SMARCC1: variants seen among roughly 807,000 people sequenced by gnomAD.
SMARCC1 encodes the protein SWI/SNF complex subunit SMARCC1.
Under a neutral mutation model 147.4 loss-of-function variants are expected in SMARCC1, and 43 were observed. The ratio of observed to expected loss-of-function variants is 0.29; its 90% CI spans 0.23 to 0.38. SMARCC1 has a LOEUF of 0.38. Ranked by LOEUF, SMARCC1 falls within the 10% of genes least tolerant of loss-of-function variation. SMARCC1 has a pLI of 1.00. For missense variants in SMARCC1, 1,119 were observed against 1,381.1 expected (o/e 0.81, Z 3.01); for synonymous variants, 495 against 484.4 (o/e 1.02, Z -0.29).
intron 3 of SMARCC1, among the ~76,000 whole-genome samples, chr3:47,744,620 A>C (rs1005647459): frequency 6.6e-6 from 1 of 152,174 alleles, no homozygotes; most frequent in Admixed American, 6.6e-5. Flanking sequence ...TGCTAAGGTT[A>C]TAAACTGTGC....
At chr3:47,726,633 T>A (rs1481409310) in intron 6 of SMARCC1, among the ~76,000 whole-genome samples, 2 of 152,226 alleles carry the variant, frequency 1.3e-5, no homozygotes, top group Admixed American at 1.3e-4. Flanking sequence ...AACTCCCTGA[T>A]GGAGCATTAG....
chr3:47,719,813 G>A (rs1183625970), intron 7 of SMARCC1, among the ~76,000 whole-genome samples: 4 of 152,062 alleles, frequency 2.6e-5, no homozygotes, highest in Non-Finnish European at 5.9e-5. Context: ...TCGGCTCACT[G>A]CAACCTCCGC....
chr3:47,662,286 G>A (rs376012552), intron 20 of SMARCC1, 48 bp downstream of exon 20: 15 of 1,544,532 alleles, frequency 9.7e-6, no homozygotes, highest in Non-Finnish European at 1.2e-5. Context: ...TTTAAATTGG[G>A]ATAAACTGAG....
intron 2 of SMARCC1, among the ~76,000 whole-genome samples, chr3:47,747,689 G>A (rs1038725374): frequency 6.6e-6 from 1 of 151,802 alleles, no homozygotes; most frequent in Non-Finnish European, 1.5e-5. Context: ...GAAAATGCCT[G>A]TAACCCCAGT....
chr3:47,748,256 C>A (rs535536474), intron 2 of SMARCC1, among the ~76,000 whole-genome samples: 1 of 152,262 alleles, frequency 6.6e-6, no homozygotes, highest in African/African-American at 2.4e-5. Flanking sequence ...CTGTGTTGCT[C>A]AGGCTGGAGT....
chr3:47,714,602 G>A, intron 7 of SMARCC1, 112 bp from the exon 8 acceptor site: 3 of 617,266 alleles, frequency 4.9e-6, no homozygotes, highest in South Asian at 2.1e-5. Context: ...ATCCCAGCCT[G>A]GTCAACATGG....
At chr3:47,762,164 T>G (rs2034781217) in intron 2 of SMARCC1, among the ~76,000 whole-genome samples, 1 of 152,192 alleles carries the variant, frequency 6.6e-6, no homozygotes. Context: ...AAAGTGAAAC[T>G]TGAAGACAAC....
intron 15 of SMARCC1, among the ~76,000 whole-genome samples, chr3:47,679,441 A>G (rs1254749151): frequency 1.3e-5 from 2 of 152,214 alleles, no homozygotes; most frequent in Non-Finnish European, 2.9e-5. Flanking sequence ...ATTAAGCTCC[A>G]TTCACATGCA....
chr3:47,623,679 T>C (rs1373615811), intron 24 of SMARCC1, among the ~76,000 whole-genome samples: 2 of 152,192 alleles, frequency 1.3e-5, no homozygotes, highest in Non-Finnish European at 2.9e-5. Context: ...ACAATTTATA[T>C]TTTTGAACAA....
intron 21 of SMARCC1, among the ~76,000 whole-genome samples, chr3:47,660,808 G>A (rs1019086005): frequency 6.6e-6 from 1 of 152,112 alleles, no homozygotes; most frequent in Non-Finnish European, 1.5e-5. Flanking sequence ...AGATAGTGGT[G>A]ATAGACACAC....
At chr3:47,729,389 CT>C (rs1158996151) in intron 5 of SMARCC1, among the ~76,000 whole-genome samples, 1 of 151,932 alleles carries the variant, frequency 6.6e-6, no homozygotes, top group Admixed American at 6.6e-5. Flanking sequence ...ACTACTAATT[CT>C]TTTTTTTCCT....
intron 2 of SMARCC1, among the ~76,000 whole-genome samples, chr3:47,752,691 G>C (rs983428971): frequency 2.0e-5 from 3 of 152,080 alleles, no homozygotes; most frequent in Non-Finnish European, 4.4e-5. Flanking sequence ...CCAGTAGGCT[G>C]AGTCAGGAGG....
In SMARCC1 at chr3:47,587,994, T is replaced by C. The variant is rs530979873; in HGVS notation, c.*215A>G. 293 of 548,012 alleles carry C rather than the reference T, an allele frequency of 5.3e-4. 3 individuals are homozygous for C. In the East Asian group the frequency reaches 9.5e-3, roughly 18 times the overall value. The allele number at this position is 548,012 out of a possible 1,614,324, so 33.9% of individuals were successfully genotyped here. ...TTTTAAGGATGACCAGGGCACACTG[T>C]CACTACAGGTTTCCCCTTGAGTGTT... On this transcript the variant is annotated 3_prime_UTR_variant, in exon 28 of 28. Coordinates refer to ENST00000254480, the MANE Select transcript of SMARCC1 (RefSeq NM_003074.4).
intron 14 of SMARCC1, among the ~76,000 whole-genome samples, chr3:47,684,258 A>G (rs2033692644): frequency 6.6e-6 from 1 of 151,334 alleles, no homozygotes; most frequent in Non-Finnish European, 1.5e-5. Flanking sequence ...AAAAAAAAAA[A>G]AGACAGTACT....
intron 25 of SMARCC1, among the ~76,000 whole-genome samples, chr3:47,616,333 C>G (rs1375188442): frequency 6.6e-6 from 1 of 152,194 alleles, no homozygotes; most frequent in East Asian, 1.9e-4. Flanking sequence ...TGTCAATTCC[C>G]TGATATACTC....
intron 25 of SMARCC1, among the ~76,000 whole-genome samples, chr3:47,617,269 C>A (rs2032658112): frequency 6.6e-6 from 1 of 152,246 alleles, no homozygotes; most frequent in African/African-American, 2.4e-5. Context: ...GAAGGGCTAA[C>A]AAAGAAGTGG....
intron 2 of SMARCC1, among the ~76,000 whole-genome samples, chr3:47,770,567 G>A (rs2034900820): frequency 6.6e-6 from 1 of 152,066 alleles, no homozygotes; most frequent in African/African-American, 2.4e-5. Context: ...AGGTCGTGGT[G>A]AGCTGAAATT....
chr3:47,687,179 C>T (rs2033736162), intron 13 of SMARCC1, among the ~76,000 whole-genome samples: 1 of 152,026 alleles, frequency 6.6e-6, no homozygotes, highest in African/African-American at 2.4e-5. Flanking sequence ...CATGAAAACA[C>T]CAAGGACTCT....
chr3:47,663,973 C>A (rs941191511), intron 19 of SMARCC1: 10 of 1,205,250 alleles, frequency 8.3e-6, no homozygotes, highest in Non-Finnish European at 1.2e-5. Flanking sequence ...AGAAATGATT[C>A]CAAAACCCAG....
Sources: gnomAD v4.1 joint callset for allele counts (sites outside exome capture counted in the v4.1 genomes callset) on GRCh38, gnomAD v4.1.1 for gene constraint, MANE v1.5 for transcripts, NCBI Gene and HGNC (gene_info 2026-07-23, HGNC 2026-07-21) for gene names.